PID1: variants seen among roughly 807,000 people sequenced by gnomAD.
PID1 encodes phosphotyrosine interaction domain containing 1.
A neutral mutation model predicts 19.1 loss-of-function variants in PID1; 10 were observed. The ratio of observed to expected loss-of-function variants is 0.52; its 90% CI spans 0.32 to 0.89. PID1 has a LOEUF of 0.89. Ranked by LOEUF, PID1 falls within the 40% of genes least tolerant of loss-of-function variation. The probability of loss-of-function intolerance (pLI) is 0.03; values close to 1 mark genes in which losing one functional copy is unlikely to be tolerated. For synonymous variants in PID1, 130 were observed against 116.0 expected (o/e 1.12, Z -0.78); for missense variants, 248 against 285.3 (o/e 0.87, Z 0.94).
At chr2:229,189,981 G>C (rs1028095073) in intron 1 of PID1, among the ~76,000 whole-genome samples, 1 of 152,176 alleles carries the variant, frequency 6.6e-6, no homozygotes, top group Non-Finnish European at 1.5e-5. Flanking sequence ...GAAAGCCTCA[G>C]TTTGATGCCA....
At chr2:229,258,154 A>G (rs1174437795) in intron 1 of PID1, among the ~76,000 whole-genome samples, 1 of 152,226 alleles carries the variant, frequency 6.6e-6, no homozygotes. Context: ...AGTCAGCTGG[A>G]ACACCAACAT....
intron 1 of PID1, among the ~76,000 whole-genome samples, chr2:229,231,585 C>T (rs1692208170): frequency 6.6e-6 from 1 of 152,102 alleles, no homozygotes; most frequent in East Asian, 1.9e-4. Context: ...CACTCTGAGA[C>T]ATCTGTCCAA....
At position 229,034,501 on chromosome 2, in the gene PID1, C is replaced by T. The variant is rs75616497; in HGVS notation, c.178-8393G>A. Among the ~76,000 whole-genome samples, 1,425 of 152,262 alleles carry T rather than the reference C, an allele frequency of 9.4e-3. 10 individuals carry two copies. Among genetic ancestry groups the T allele is most frequent in the Non-Finnish European group, 0.014 (975 of 68,022 alleles). ...GAAACCTGGCTCACATTTGCCACAT[C>T]CCAACTGCCCTTCTCAAGGCTGGTC... On this transcript the variant is annotated intron_variant, in intron 2 of 2. Coordinates refer to ENST00000392055, the MANE Select transcript of PID1 (RefSeq NM_001100818.2).
At chr2:229,267,177 T>C (rs1392168055) in intron 1 of PID1, among the ~76,000 whole-genome samples, 1 of 152,208 alleles carries the variant, frequency 6.6e-6, no homozygotes, top group African/African-American at 2.4e-5. Flanking sequence ...CAACCAAAAG[T>C]TTCAGAAGAA....
At chr2:229,072,236 T>A (rs1559220470) in intron 2 of PID1, among the ~76,000 whole-genome samples, 1 of 152,206 alleles carries the variant, frequency 6.6e-6, no homozygotes, top group Non-Finnish European at 1.5e-5. Flanking sequence ...CAATGGGAGT[T>A]TTAAACTATC....
intron 2 of PID1, among the ~76,000 whole-genome samples, chr2:229,121,771 A>AG (rs1169754915): frequency 1.3e-5 from 2 of 152,198 alleles, no homozygotes; most frequent in Non-Finnish European, 2.9e-5. Context: ...ACAAGAAGTC[A>AG]TACACTTGAT....
At chr2:229,251,696 C>T (rs561166936) in intron 1 of PID1, among the ~76,000 whole-genome samples, 1 of 152,014 alleles carries the variant, frequency 6.6e-6, no homozygotes, top group Admixed American at 6.6e-5. Context: ...TTAAAAGCTT[C>T]AAATCAAAAT....
At chr2:229,112,604 G>T (rs1029594519) in intron 2 of PID1, among the ~76,000 whole-genome samples, 3 of 152,122 alleles carry the variant, frequency 2.0e-5, no homozygotes, top group Admixed American at 6.5e-5. Context: ...TCCTGCCTCA[G>T]CCTCCCGAGT....
intron 2 of PID1, among the ~76,000 whole-genome samples, chr2:229,114,558 C>A (rs1160187336): frequency 6.6e-6 from 1 of 152,112 alleles, no homozygotes. Context: ...ATTCATCTCC[C>A]TCTATTCCAC....
intron 2 of PID1, among the ~76,000 whole-genome samples, chr2:229,026,425 G>A (rs1257965804): frequency 6.6e-6 from 1 of 152,090 alleles, no homozygotes; most frequent in Non-Finnish European, 1.5e-5. Context: ...TACATAATTT[G>A]GCATTCCTTT....
chr2:229,151,648 G>A (rs981655944), intron 2 of PID1, among the ~76,000 whole-genome samples: 11 of 150,378 alleles, frequency 7.3e-5, no homozygotes, highest in Non-Finnish European at 1.5e-4. Context: ...TCGGCTCACT[G>A]CAAGCTCCAC....
chr2:229,025,747 T>TG lies in PID1; in HGVS notation c.538dup (p.His180ProfsTer37). ...CTTCCTGAAGGCCTCCATCATGGCG[T>TG]GGGCCAGTTTCTTGGCCTCGAGCTT... is the stretch of plus-strand genomic sequence containing the variant. On this transcript the variant is annotated frameshift_variant, in exon 3 of 3. Transcript: ENST00000392055. LOFTEE classifies it high-confidence loss of function. 6.2e-7 allele frequency: 1 copy of TG among 1,614,256 alleles called. No individual in the cohort carries two copies. Among genetic ancestry groups the TG allele is most frequent in the Non-Finnish European group, 8.5e-7 (1 of 1,180,032 alleles).
At chr2:229,254,608 A>T (rs144658418) in intron 1 of PID1, among the ~76,000 whole-genome samples, 3 of 152,192 alleles carry the variant, frequency 2.0e-5, no homozygotes, top group African/African-American at 7.2e-5. Context: ...CCGAGTTATG[A>T]CCTTGGTTAT....
intron 2 of PID1, among the ~76,000 whole-genome samples, chr2:229,121,493 G>A (rs557671673): frequency 1.8e-4 from 27 of 152,232 alleles, no homozygotes; most frequent in African/African-American, 5.5e-4. Context: ...AAGTCCCTTC[G>A]TGACTTGGGA....
chr2:229,265,184 T>C (rs1690562768), intron 1 of PID1, among the ~76,000 whole-genome samples: 2 of 152,196 alleles, frequency 1.3e-5, no homozygotes, highest in South Asian at 2.1e-4. Flanking sequence ...GGAAACAACC[T>C]GGCTAAGAAG....
At chr2:229,230,507 G>A (rs1182994924) in intron 1 of PID1, among the ~76,000 whole-genome samples, 2 of 152,154 alleles carry the variant, frequency 1.3e-5, no homozygotes, top group African/African-American at 2.4e-5. Flanking sequence ...GTTCTTCTGT[G>A]AATAACTCCT....
intron 2 of PID1, among the ~76,000 whole-genome samples, chr2:229,048,048 G>A (rs188365021): frequency 6.6e-6 from 1 of 152,178 alleles, no homozygotes; most frequent in African/African-American, 2.4e-5. Context: ...TTTAGGGTGA[G>A]CCTCAGAGTG....
intron 1 of PID1, among the ~76,000 whole-genome samples, chr2:229,198,891 G>T (rs913637149): frequency 2.0e-5 from 3 of 152,070 alleles, no homozygotes; most frequent in Admixed American, 1.3e-4. Context: ...ACAACAGTCA[G>T]AGATGTTCTT....
chr2:229,228,554 G>A (rs1237579460), intron 1 of PID1, among the ~76,000 whole-genome samples: 4 of 152,082 alleles, frequency 2.6e-5, no homozygotes, highest in African/African-American at 4.8e-5. Context: ...AGGTTGAATG[G>A]CAATATACTG....
Sources: allele counts gnomAD v4.1 joint callset (sites outside exome capture counted in the v4.1 genomes callset), GRCh38; gene constraint gnomAD v4.1.1; transcripts MANE v1.5; gene names NCBI Gene and HGNC (gene_info 2026-07-23, HGNC 2026-07-21).